IGHMBP2: variants seen among roughly 807,000 people sequenced by gnomAD.
IGHMBP2 encodes immunoglobulin mu DNA binding protein 2.
A neutral mutation model predicts 96.0 loss-of-function variants in IGHMBP2; 81 were observed. The ratio of observed to expected loss-of-function variants is 0.84; its 90% confidence interval spans 0.71 to 1.01. IGHMBP2 has a LOEUF of 1.01. Ranked by LOEUF, IGHMBP2 falls within the 50% of genes least tolerant of loss-of-function variation. IGHMBP2 has a pLI of 0.00. For missense variants in IGHMBP2, 1,227 were observed against 1,306.3 expected (o/e 0.94, Z 0.94); for synonymous variants, 557 against 548.9 (o/e 1.01, Z -0.21).
At chr11:68,915,168 T>C (rs1481172146) in intron 6 of IGHMBP2, 145 bp downstream of exon 6, 7 of 117,544 alleles carry the variant, frequency 6.0e-5, no homozygotes, top group Admixed American at 4.6e-4. Flanking sequence ...GGGCTGCCCT[T>C]TTTTTTTTTT....
intron 10 of IGHMBP2, 178 bp downstream of exon 10, chr11:68,934,091 C>A (rs1859427692): frequency 4.6e-6 from 3 of 657,320 alleles, no homozygotes; most frequent in African/African-American, 3.6e-5. Flanking sequence ...CCAGGGTGAG[C>A]AGACCGCTCC....
At chr11:68,910,181 C>G (rs1858376460) in intron 4 of IGHMBP2, among the ~76,000 whole-genome samples, 2 of 152,252 alleles carry the variant, frequency 1.3e-5, no homozygotes, top group African/African-American at 4.8e-5. Context: ...ACTCTTTCAG[C>G]ATGCAGTCCC....
At chr11:68,927,229 CTTG>C (rs1168034908) in intron 7 of IGHMBP2, among the ~76,000 whole-genome samples, 1 of 152,218 alleles carries the variant, frequency 6.6e-6, no homozygotes, top group African/African-American at 2.4e-5. Flanking sequence ...GTTGTTGCCA[CTTG>C]TTGTTTGTTT....
At chr11:68,930,034 T>A (rs1474581275) in intron 8 of IGHMBP2, 2 of 1,098,082 alleles carry the variant, frequency 1.8e-6, no homozygotes, top group African/African-American at 1.9e-5. Flanking sequence ...CACACAGGCC[T>A]CGCTGGCCCC....
At chr11:68,905,848 A>G (rs1488305384) in intron 1 of IGHMBP2, among the ~76,000 whole-genome samples, 2 of 152,148 alleles carry the variant, frequency 1.3e-5, no homozygotes, top group Non-Finnish European at 1.5e-5. Flanking sequence ...TGATTGAAAG[A>G]TCTGTCTCAG....
chr11:68,936,720 C>T lies in IGHMBP2; in HGVS notation c.2240C>T (p.Pro747Leu). 6.2e-7 allele frequency: 1 copy of T among 1,614,122 alleles called. No individual in the cohort carries two copies. The highest frequency in any genetic ancestry group is 8.5e-7 in the Non-Finnish European group (1 of 1,180,050). ...MASKKMQLEF[P>L]PSLNSHDRLR... Reference sequence around the variant, plus strand: ...AGCAAGAAGATGCAGTTGGAGTTTCCTCCTTCCCTCAATTCCCACGACAGG... The same window carrying T: ...AGCAAGAAGATGCAGTTGGAGTTTCTTCCTTCCCTCAATTCCCACGACAGG... Residue 747 changes from proline (P) to leucine (L), a missense_variant, in exon 13 of 15, where the codon CCT becomes CTT. By Grantham distance (98) the Pro-to-Leu change is moderately conservative (BLOSUM62 -3). Around this residue, in one of 3 missense-constraint regions of IGHMBP2, gnomAD observed 703 missense variants for 770.3 expected, o/e 0.91. Coordinates refer to ENST00000255078, the MANE Select transcript of IGHMBP2 (RefSeq NM_002180.3).
Position 68,929,262 on chromosome 11 carries a change from C to T in IGHMBP2, c.1140C>T (p.Ala380=), listed in dbSNP as rs1176740254. 1.2e-6 allele frequency: 2 copies of T among 1,613,912 alleles called. No homozygotes were observed. Among genetic ancestry groups the T allele is most frequent in the African/African-American group, 2.7e-5 (2 of 75,036 alleles). The change falls in exon 8 of 15, where the codon GCC becomes GCT. Residue 380 remains alanine, a synonymous_variant. Coordinates refer to ENST00000255078, the MANE Select transcript of IGHMBP2 (RefSeq NM_002180.3). ...TGGTCATTGACGAGTGTGCCCAGGC[C>T]CTCGAGGCGAGCTGCTGGATCCCCC... is the stretch of plus-strand genomic sequence containing the variant. ...DVVVIDECAQ[A]LEASCWIPLL... is the part of the protein sequence containing the mutation.
chr11:68,926,693 A>G (rs1174869948), intron 7 of IGHMBP2, among the ~76,000 whole-genome samples: 2 of 152,218 alleles, frequency 1.3e-5, no homozygotes, highest in Non-Finnish European at 2.9e-5. Context: ...ACATACTTAG[A>G]ATCGCTGATA....
chr11:68,934,348 C>A, intron 10 of IGHMBP2, 116 bp from the exon 11 acceptor site: 1 of 766,578 alleles, frequency 1.3e-6, no homozygotes, highest in South Asian at 1.5e-5. Flanking sequence ...AGGAAGCCAC[C>A]TGAGTGGAGG....
intron 8 of IGHMBP2, chr11:68,930,317 G>A (rs1250478001): frequency 1.6e-6 from 2 of 1,289,674 alleles, no homozygotes; most frequent in African/African-American, 1.5e-5. Context: ...CACTGTGGGT[G>A]TGTAGAAGCT....
intron 7 of IGHMBP2, among the ~76,000 whole-genome samples, chr11:68,921,202 A>G (rs1858864771): frequency 6.7e-6 from 1 of 150,150 alleles, no homozygotes; most frequent in Admixed American, 6.6e-5. Context: ...TTTTTACATA[A>G]GTTCTCACTA....
In IGHMBP2 at chr11:68,935,397, G is replaced by C. The variant is rs766884923; in HGVS notation, c.1731G>C (p.Leu577=). ...FQGREKEAVI[L]SFVRSNRKGE... is the part of the protein sequence containing the mutation. ...GCCGAGAGAAGGAGGCCGTGATACT[G>C]TCCTTCGTCAGATCCAACAGGAAAG... The change falls in exon 12 of 15, where the codon CTG becomes CTC. Residue 577 remains leucine, a synonymous_variant. Coordinates refer to ENST00000255078, the MANE Select transcript of IGHMBP2 (RefSeq NM_002180.3). 6.2e-7 allele frequency: 1 copy of C among 1,614,134 alleles called. No homozygotes were observed. Among genetic ancestry groups the C allele is most frequent in the Non-Finnish European group, 8.5e-7 (1 of 1,180,044 alleles).
chr11:68,909,020 T>C (rs1858316844), intron 4 of IGHMBP2, among the ~76,000 whole-genome samples: 1 of 151,034 alleles, frequency 6.6e-6, no homozygotes. Flanking sequence ...TCTGTACTTT[T>C]AGTAGAGATG....
Position 68,911,425 on chromosome 11 carries a change from C to T in IGHMBP2, c.548-15C>T. On this transcript the variant is annotated splice_polypyrimidine_tract_variant and intron_variant, in intron 4 of 14. Transcript: ENST00000255078. Reference sequence around the variant, plus strand: ...CCCAGAGCACCTGAGCCTCACGCTGCTGCTTCTTCCACAGACCCGCTGACA... The same window carrying T: ...CCCAGAGCACCTGAGCCTCACGCTGTTGCTTCTTCCACAGACCCGCTGACA... The T allele has an allele frequency of 6.2e-7, 1 of 1,613,008 alleles. No individual in the cohort carries two copies. The highest frequency in any genetic ancestry group is 8.5e-7 in the Non-Finnish European group (1 of 1,179,754).
At chr11:68,923,967 C>G (rs1858971251) in intron 7 of IGHMBP2, among the ~76,000 whole-genome samples, 1 of 152,174 alleles carries the variant, frequency 6.6e-6, no homozygotes, top group Non-Finnish European at 1.5e-5. Flanking sequence ...CTAGGTTCTA[C>G]CTGGCTGCCC....
At chr11:68,904,803 C>CTTTTCTTTTTTT (rs892709461) in intron 1 of IGHMBP2, among the ~76,000 whole-genome samples, 1,957 of 120,896 alleles carry the variant, frequency 0.016, 132 homozygotes, top group African/African-American at 0.023. Flanking sequence ...TTTTCTTTTT[C>CTTTTCTTTTTTT]TTTTTTTTTT....
intron 13 of IGHMBP2, 136 bp from the exon 14 acceptor site, chr11:68,938,043 GTCC>G (rs1474554841): frequency 5.5e-6 from 5 of 902,966 alleles, no homozygotes; most frequent in African/African-American, 1.6e-5. Context: ...GCCGCAAGCA[GTCC>G]TCCTACCTCA....
Position 68,940,085 on chromosome 11 carries a change from T to G in IGHMBP2, c.*354T>G. 3.5e-6 allele frequency: 1 copy of G among 283,442 alleles called. No individual in the cohort carries two copies. The highest frequency in any genetic ancestry group is 8.0e-5 in the East Asian group (1 of 12,428). 17.6% of individuals were successfully genotyped at this position (283,442 alleles called of 1,614,324 possible). On this transcript the variant is annotated 3_prime_UTR_variant, in exon 15 of 15. Coordinates refer to ENST00000255078, the MANE Select transcript of IGHMBP2 (RefSeq NM_002180.3). ...CTCAAACTTGAAGTCACTCCTCCAATGTCTGGGACTTGCCAGCTCAGCCCG... is the reference window on the plus strand; with the variant it reads ...CTCAAACTTGAAGTCACTCCTCCAAGGTCTGGGACTTGCCAGCTCAGCCCG...
chr11:68,927,714 C>T (rs924588245), intron 7 of IGHMBP2, among the ~76,000 whole-genome samples: 1 of 152,222 alleles, frequency 6.6e-6, no homozygotes, highest in Non-Finnish European at 1.5e-5. Context: ...CAGACACCAC[C>T]AGGGAAAAGG....
Sources: allele counts gnomAD v4.1 joint callset (sites outside exome capture counted in the v4.1 genomes callset), GRCh38; gene constraint gnomAD v4.1.1; regional missense constraint gnomAD v4.1.1; transcripts MANE v1.5; gene names NCBI Gene and HGNC (gene_info 2026-07-23, HGNC 2026-07-21).